FUZ: variants seen among roughly 807,000 people sequenced by gnomAD.
FUZ encodes the protein fuzzy planar cell polarity protein.
FUZ carries 31 observed loss-of-function variants against 43.1 expected under a neutral mutation model. That is an observed-to-expected ratio of 0.72 (90% confidence interval 0.54 to 0.97). FUZ has a LOEUF of 0.97. FUZ is among the 50% of genes least tolerant of loss of function. The pLI is 0.00. For synonymous variants in FUZ, 274 were observed against 250.0 expected (o/e 1.10, Z -0.91); for missense variants, 539 against 543.8 (o/e 0.99, Z 0.09).
upstream of FUZ, chr19:49,813,479 G>A (rs1428848795): frequency 5.4e-6 from 2 of 373,072 alleles, no homozygotes; most frequent in African/African-American, 2.1e-5. Flanking sequence ...TGTAGGCTTT[G>A]ATGATTTACA....
At chr19:49,808,875 G>C (rs1462797577) in intron 7 of FUZ, 52 bp from the exon 8 acceptor site, 1 of 1,392,124 alleles carries the variant, frequency 7.2e-7, no homozygotes, top group South Asian at 1.2e-5. Flanking sequence ...GGGGCCGGCG[G>C]GGGAGGTCGG....
intron 5 of FUZ, chr19:49,810,003 G>A (rs796668333): frequency 3.2e-5 from 10 of 316,846 alleles, no homozygotes; most frequent in African/African-American, 2.2e-4. Flanking sequence ...TGAGAGGCAG[G>A]AGGAAGAACA....
In FUZ at chr19:49,807,152, C is replaced by G; in HGVS notation, c.1256G>C (p.Ter419SerextTer6). ...HTLHALTPLL[*>S] The stretch of plus-strand genomic sequence containing the variant: ...TGTCCATCACCCACTGCTAGGTAGT[C>G]AAAGAAGTGGGGTGAGGGCATGCAG... Residue 419 changes from the stop codon to serine (S), a stop_lost, in exon 11 of 11, where the codon TGA (stop) becomes TCA (serine). Coordinates refer to ENST00000313777, the MANE Select transcript of FUZ (RefSeq NM_025129.5). 2 of 1,612,882 alleles carry G rather than the reference C, an allele frequency of 1.2e-6. No individual in the cohort carries two copies. The highest frequency in any genetic ancestry group is 1.3e-5 in the African/African-American group (1 of 74,734).
chr19:49,809,399 G>C lies in FUZ; in HGVS notation c.669C>G (p.Tyr223Ter). The C allele has an allele frequency of 6.5e-7, 1 of 1,543,718 alleles. No individual in the cohort carries two copies. The change falls in exon 6 of 11, where the codon TAC (tyrosine) becomes TAG (stop). Residue 223 changes from tyrosine (Y) to a stop codon, truncating the protein, a stop_gained. Coordinates refer to ENST00000313777, the MANE Select transcript of FUZ (RefSeq NM_025129.5). LOFTEE classifies it high-confidence loss of function. The surrounding 1 kb of genome is among the most constrained non-coding windows in gnomAD (Gnocchi z 5.1). ...TCACCGTGGGGCTCCCGTGCGGCAG[G>C]TACACCGGGTAGTCGCGAGCGGTCT... is the stretch of plus-strand genomic sequence containing the variant. ...PPQTARDYPV[Y>*]LPHGSPTVPH...
intron 3 of FUZ, 49 bp downstream of exon 3, chr19:49,812,202 A>C (rs2073825580): frequency 2.3e-6 from 3 of 1,333,020 alleles, no homozygotes; most frequent in Non-Finnish European, 3.2e-6. Context: ...AAGGATGCTG[A>C]GATCTCAGAT....
intron 3 of FUZ, 94 bp downstream of exon 3, chr19:49,812,157 A>C: frequency 1.2e-6 from 1 of 816,842 alleles, no homozygotes; most frequent in Non-Finnish European, 2.1e-6. Context: ...TGAGGAAGGA[A>C]GTGTTGGTGG....
chr19:49,809,694 GC>G lies in FUZ; in HGVS notation c.493-120del. ...CAGCCAGCCCCGAGCTCGCGCAGTG[GC>G]CATGCTCCTACGTCTCACCCTCTCT... On this transcript the variant is annotated intron_variant, in intron 5 of 10. Transcript: ENST00000313777. This position sits in a 1 kb window ranked among gnomAD's most constrained non-coding sequence, Gnocchi z 5.1. The G allele has an allele frequency of 2.0e-6, 2 of 1,001,478 alleles. No individual in the cohort carries two copies. The highest frequency in any genetic ancestry group is 3.0e-6 in the Non-Finnish European group (2 of 664,194). 62.0% of individuals were successfully genotyped at this position (1,001,478 alleles called of 1,614,324 possible).
chr19:49,807,514 G>C, intron 10 of FUZ, 140 bp from the exon 11 acceptor site: 1 of 821,020 alleles, frequency 1.2e-6, no homozygotes, highest in Non-Finnish European at 2.0e-6. Flanking sequence ...GGAGGGCCTC[G>C]GGGCTCTAGC....
rs1307859896 is a variant in FUZ, at chr19:49,808,399, G to A, written c.1033+15C>T. Reference sequence around the variant, plus strand: ...TCCCCGCCTGCGCAGTGGGAGCACTGTGCCTTCCGCTGACCTGGTGGGAAG... The same window carrying A: ...TCCCCGCCTGCGCAGTGGGAGCACTATGCCTTCCGCTGACCTGGTGGGAAG... On this transcript the variant is annotated intron_variant, in intron 10 of 10. Transcript: ENST00000313777. 1 of 1,609,462 alleles carries A rather than the reference G, an allele frequency of 6.2e-7. No individual in the cohort carries two copies. The highest frequency in any genetic ancestry group is 1.1e-5 in the South Asian group (1 of 90,328).
intron 3 of FUZ, 97 bp downstream of exon 3, chr19:49,812,154 G>A: frequency 1.2e-6 from 1 of 811,554 alleles, no homozygotes; most frequent in Non-Finnish European, 2.1e-6. Context: ...TTCTGAGGAA[G>A]GAAGTGTTGG....
Position 49,813,148 on chromosome 19 carries a change from G to A in FUZ, c.-42C>T. 1 of 1,492,392 alleles carries A rather than the reference G, an allele frequency of 6.7e-7. No individual in the cohort carries two copies. The highest frequency in any genetic ancestry group is 9.1e-7 in the Non-Finnish European group (1 of 1,093,834). The allele number at this position is 1,492,392 out of a possible 1,614,324, so 92.4% of individuals were successfully genotyped here. Reference sequence around the variant, plus strand: ...GGTCCCTCACGTGGGGACTGTCAGTGCGGGTCTTGGAGCATGGCGGTAATC... The same window carrying A: ...GGTCCCTCACGTGGGGACTGTCAGTACGGGTCTTGGAGCATGGCGGTAATC... On this transcript the variant is annotated 5_prime_UTR_variant, in exon 1 of 11. Transcript: ENST00000313777.
In FUZ at chr19:49,812,977, C is replaced by T; in HGVS notation, c.111+19G>A. The T allele has an allele frequency of 6.5e-7, 1 of 1,543,940 alleles. No homozygotes were observed. Among genetic ancestry groups the T allele is most frequent in the South Asian group, 1.2e-5 (1 of 83,912 alleles). ...CACCGAACCCCCTTCGGTTTAGATA[C>T]AGGCGTCCAAGGCCCCACCTGCTGA... On this transcript the variant is annotated intron_variant, in intron 1 of 10. Transcript: ENST00000313777.
chr19:49,806,955 GTCCCCCTCCC>G lies in FUZ; in HGVS notation c.*186_*195del, dbSNP rs1181456615. On this transcript the variant is annotated 3_prime_UTR_variant, in exon 11 of 11. Coordinates refer to ENST00000313777, the MANE Select transcript of FUZ (RefSeq NM_025129.5). Reference sequence around the variant, plus strand: ...TTTACATTCTGGGGGGTTAGGGGGAGTCCCCCTCCCTCCCTTTCCCCCCCAAGCACAGAGG... The same window carrying G: ...TTTACATTCTGGGGGGTTAGGGGGAGTCCCTTTCCCCCCCAAGCACAGAGG... 8 of 1,533,294 alleles carry G rather than the reference GTCCCCCTCCC, an allele frequency of 5.2e-6. No individual in the cohort carries two copies. In the African/African-American group the frequency reaches 1.1e-4, roughly 21 times the overall value. The allele number at this position is 1,533,294 out of a possible 1,614,324, so 95.0% of individuals were successfully genotyped here.
intron 5 of FUZ, chr19:49,811,042 T>C: frequency 2.5e-6 from 1 of 402,614 alleles, no homozygotes; most frequent in Non-Finnish European, 4.6e-6. Context: ...TCCCAGCTGC[T>C]CGGGAAGCTG....
chr19:49,810,319 C>T (rs865834591), intron 5 of FUZ, among the ~76,000 whole-genome samples: 6 of 150,800 alleles, frequency 4.0e-5, no homozygotes, highest in Admixed American at 2.0e-4. Context: ...GAGTTCGAGA[C>T]CAGCCCGGGC....
rs773367242 is a variant in FUZ at position 49,808,464 on chromosome 19, C to T, written c.983G>A (p.Arg328His). Residue 328 changes from arginine to histidine, a missense_variant, in exon 10 of 11, where the codon CGC (arginine) becomes CAC (histidine). By Grantham distance (29) the Arg-to-His change is conservative (BLOSUM62 0). Coordinates refer to ENST00000313777, the MANE Select transcript of FUZ (RefSeq NM_025129.5). Reference protein sequence around the residue: ...DKEPSPEQRRRLLRNFYTLVT... With the variant: ...DKEPSPEQRRHLLRNFYTLVT... ...CAGGGTATAGAAGTTTCGGAGGAGGCGCCGGCGCTGTTCTGGTGAAGGCTC... is the reference window on the plus strand; with the variant it reads ...CAGGGTATAGAAGTTTCGGAGGAGGTGCCGGCGCTGTTCTGGTGAAGGCTC... 6 of 1,612,204 alleles carry T rather than the reference C, an allele frequency of 3.7e-6. No homozygotes were observed. The African/African-American group carries it at 4.0e-5, about 11-fold the overall frequency.
At position 49,811,670 on chromosome 19, in the gene FUZ, G is replaced by T. The variant is rs1197980782; in HGVS notation, c.348C>A (p.Thr116=). 6.2e-7 allele frequency: 1 copy of T among 1,614,098 alleles called. No individual in the cohort carries two copies. The highest frequency in any genetic ancestry group is 1.3e-5 in the African/African-American group (1 of 75,024). ...TCAGTCTCTCCACGTTGCGGATATT[G>T]GTCAGTTCTTCAAGTCCCACAAGAA... ...MVLLVGLEEL[T]NIRNVERLKK... The change falls in exon 4 of 11, where the codon ACC becomes ACA. Residue 116 remains threonine, a synonymous_variant. Coordinates refer to ENST00000313777, the MANE Select transcript of FUZ (RefSeq NM_025129.5).
Position 49,809,267 on chromosome 19 carries a change from G to C in FUZ, c.691-9C>G. The stretch of plus-strand genomic sequence containing the variant: ...AGGAGCCGGTGTGGGACCTGAAGCA[G>C]GGCACAGGCTGGGGCTCATCGCGGC... On this transcript the variant is annotated splice_polypyrimidine_tract_variant and intron_variant, in intron 6 of 10. Coordinates refer to ENST00000313777, the MANE Select transcript of FUZ (RefSeq NM_025129.5). The surrounding 1 kb of genome is among the most constrained non-coding windows in gnomAD (Gnocchi z 5.1). 1 of 1,550,754 alleles carries C rather than the reference G, an allele frequency of 6.4e-7. No homozygotes were observed. Among genetic ancestry groups the C allele is most frequent in the Non-Finnish European group, 8.7e-7 (1 of 1,146,882 alleles).
intron 10 of FUZ, among the ~76,000 whole-genome samples, chr19:49,807,949 A>C (rs976588362): frequency 2.0e-5 from 3 of 152,144 alleles, no homozygotes. Flanking sequence ...CCATACCCTC[A>C]GCCTATCAGC....
Sources: allele counts gnomAD v4.1 joint callset (sites outside exome capture counted in the v4.1 genomes callset), GRCh38; gene constraint gnomAD v4.1.1; non-coding constraint Gnocchi (gnomAD v3.1); transcripts MANE v1.5; gene names NCBI Gene and HGNC (gene_info 2026-07-23, HGNC 2026-07-21).